The following PRKAR1A variants were observed in gnomAD, a reference collection of about 807,000 sequenced individuals.
The protein encoded by PRKAR1A is cAMP-dependent protein kinase type I-alpha regulatory subunit.
PRKAR1A carries 3 observed loss-of-function variants against 52.0 expected under a neutral mutation model. The observed-to-expected ratio is 0.06, with a 90% CI of 0.03 to 0.15. PRKAR1A has a LOEUF of 0.15. PRKAR1A is among the 10% of genes least tolerant of loss of function. The probability of loss-of-function intolerance (pLI) is 1.00; values close to 1 mark genes in which losing one functional copy is unlikely to be tolerated. For synonymous variants in PRKAR1A, 188 were observed against 168.4 expected (o/e 1.12, Z -0.90); for missense variants, 240 against 477.4 (o/e 0.50, Z 4.63).
At chr17:68,486,506 C>CTTCCTTCCTTCCCTCTTTCTTTCT in the PRKAR1A span, among the ~76,000 whole-genome samples, 5 of 48,258 alleles carry the variant, frequency 1.0e-4, no homozygotes, top group South Asian at 8.3e-4. Context: ...TCCTTCCTTC[C>CTTCCTTCCTTCCCTCTTTCTTTCT]TTCTTTCTTT....
the PRKAR1A span, among the ~76,000 whole-genome samples, chr17:68,499,114 T>A: frequency 6.6e-6 from 1 of 152,160 alleles, no homozygotes. Context: ...GCACAGAAGA[T>A]CTCTCCATGT....
the PRKAR1A span, among the ~76,000 whole-genome samples, chr17:68,473,266 A>G: frequency 3.5e-4 from 54 of 152,180 alleles, no homozygotes; most frequent in Admixed American, 5.9e-4. Context: ...AAGTCTGGGC[A>G]CAATGGCTCT....
In PRKAR1A at chr17:68,545,689, G is replaced by A. The variant is rs2086522711; in HGVS notation, c.974-5395G>A. ...CTGTAGCACGCAATGCTGTTTGATAGCATTTTACCCAAAGTAGAACTTCTG... is the reference window on the plus strand; with the variant it reads ...CTGTAGCACGCAATGCTGTTTGATAACATTTTACCCAAAGTAGAACTTCTG... On this transcript the variant is annotated intron_variant, in intron 11 of 11. Coordinates refer to the PRKAR1A transcript ENST00000585981. 2.0e-5 allele frequency among the ~76,000 whole-genome samples: 3 copies of A among 152,190 alleles called. No homozygotes were observed. The South Asian group carries it at 6.2e-4, about 32-fold the overall frequency.
chr17:68,457,263 A>G, the PRKAR1A span: 1 of 1,495,912 alleles, frequency 6.7e-7, no homozygotes, highest in Admixed American at 2.1e-5. Flanking sequence ...CGGAAGCCAC[A>G]AGCTGCTCTC....
chr17:68,428,948 G>A, the PRKAR1A span: 3 of 1,605,600 alleles, frequency 1.9e-6, no homozygotes, highest in African/African-American at 1.3e-5. Context: ...TAAGGGCCAA[G>A]GAAAACATAA....
At chr17:68,433,470 GT>G in the PRKAR1A span, 1 of 1,613,974 alleles carries the variant, frequency 6.2e-7, no homozygotes, top group Non-Finnish European at 8.5e-7. Context: ...GTACTTGCCT[GT>G]TGGTGACCTG....
At chr17:68,533,764 ACT>A (rs1405413537), downstream of PRKAR1A, among the ~76,000 whole-genome samples, 3 of 152,108 alleles carry the variant, frequency 2.0e-5, no homozygotes, top group South Asian at 2.1e-4. Flanking sequence ...AGATGGTCTC[ACT>A]CTGTCACCCA....
chr17:68,537,690 G>A, downstream of PRKAR1A: 1 of 1,613,636 alleles, frequency 6.2e-7, no homozygotes, highest in African/African-American at 1.3e-5. The surrounding 1 kb of genome is among the most constrained non-coding windows in gnomAD (Gnocchi z 4.2). Context: ...CGCTGAGTCT[G>A]TAGTCAGCTT....
At chr17:68,472,954 AGTAAT>A in the PRKAR1A span, among the ~76,000 whole-genome samples, 1 of 152,100 alleles carries the variant, frequency 6.6e-6, no homozygotes, top group Admixed American at 6.6e-5. Flanking sequence ...CAAAAAAAAA[AGTAAT>A]AAATAATAAA....
the PRKAR1A span, among the ~76,000 whole-genome samples, chr17:68,457,050 C>G: frequency 6.6e-6 from 1 of 152,212 alleles, no homozygotes; most frequent in Non-Finnish European, 1.5e-5. Flanking sequence ...CTGCTCCCCC[C>G]ATATTCCGTG....
In PRKAR1A at chr17:68,532,826, C is replaced by G; in HGVS notation, c.*2377C>G. On this transcript the variant is annotated 3_prime_UTR_variant, in exon 11 of 11. Transcript: ENST00000589228. ...CGTCTTTCCTCTCTCTGTCCTTCCC[C>G]GAAAGTCTACTCGGGTGGGCAAAAA... 2 of 1,066,316 alleles carry G rather than the reference C, an allele frequency of 1.9e-6. No homozygotes were observed. The highest frequency in any genetic ancestry group is 1.6e-5 in the African/African-American group (1 of 61,192). 66.1% of individuals were successfully genotyped at this position (1,066,316 alleles called of 1,614,324 possible).
At chr17:68,445,132 CTGG>C in the PRKAR1A span, among the ~76,000 whole-genome samples, 1 of 152,116 alleles carries the variant, frequency 6.6e-6, no homozygotes, top group South Asian at 2.1e-4. Flanking sequence ...GTTGATCAGG[CTGG>C]TCTCGAACTC....
At chr17:68,489,583 AAG>A in the PRKAR1A span, among the ~76,000 whole-genome samples, 1 of 150,610 alleles carries the variant, frequency 6.6e-6, no homozygotes, top group Non-Finnish European at 1.5e-5. Context: ...CTTTTTGAGA[AAG>A]AGTCACCCAT....
At chr17:68,500,715 C>A in the PRKAR1A span, among the ~76,000 whole-genome samples, 1 of 151,994 alleles carries the variant, frequency 6.6e-6, no homozygotes, top group South Asian at 2.1e-4. Context: ...TGGGGTTTTA[C>A]CATGTTGGTT....
chr17:68,525,095 AT>A, intron 6 of PRKAR1A, 137 bp downstream of exon 6: 1 of 729,576 alleles, frequency 1.4e-6, no homozygotes, highest in Non-Finnish European at 2.3e-6. Flanking sequence ...TTTGCCAAGT[AT>A]TTTTATGACA....
rs755798109 is a variant in PRKAR1A, at chr17:68,525,800, G to A, written c.596G>A (p.Ser199Asn). 16 of 1,613,796 alleles carry A rather than the reference G, an allele frequency of 9.9e-6. No homozygotes were observed. In the African/African-American group the frequency reaches 2.1e-4, roughly 22 times the overall value. ...GCAACCAGTGTTGGGGAAGGAGGGA[G>A]CTTTGGAGAACTTGCTTTGATTTAT... ...EWATSVGEGG[S>N]FGELALIYGT... Residue 199 changes from serine (S) to asparagine (N), a missense_variant, in exon 7 of 11, where the codon AGC (serine) becomes AAC (asparagine). Physicochemically the swap from Ser to Asn is conservative, Grantham distance 46 (BLOSUM62 1). Transcript: ENST00000589228.
At chr17:68,420,483 C>T in the PRKAR1A span, 4 of 1,600,714 alleles carry the variant, frequency 2.5e-6, no homozygotes, top group East Asian at 2.2e-5. Flanking sequence ...TTTTATTCCA[C>T]GAGGAGGAGT....
At chr17:68,517,107 T>C (rs1600466228) in intron 2 of PRKAR1A, among the ~76,000 whole-genome samples, 1 of 152,236 alleles carries the variant, frequency 6.6e-6, no homozygotes, top group African/African-American at 2.4e-5. Context: ...ATTAAAATGG[T>C]TTCTTTGCAG....
At chr17:68,546,385 G>A (rs2086567716) in intron 11 of PRKAR1A, among the ~76,000 whole-genome samples, 2 of 151,830 alleles carry the variant, frequency 1.3e-5, no homozygotes, top group African/African-American at 4.9e-5. Flanking sequence ...TGTTAATGTT[G>A]ATATTTTTAC....
Sources: gnomAD v4.1 joint callset for allele counts (sites outside exome capture counted in the v4.1 genomes callset) on GRCh38, gnomAD v4.1.1 for gene constraint, Gnocchi (gnomAD v3.1) non-coding constraint, MANE v1.5 for transcripts, NCBI Gene and HGNC (gene_info 2026-07-23, HGNC 2026-07-21) for gene names.